DLGAP1: variants seen among roughly 807,000 people sequenced by gnomAD.
DLGAP1 encodes disks large-associated protein 1.
Under a neutral mutation model 90.8 loss-of-function variants are expected in DLGAP1, and 11 were observed. That is an observed-to-expected ratio of 0.12 (90% confidence interval 0.08 to 0.20). The LOEUF (loss-of-function observed/expected upper bound fraction) is 0.20, where lower values mean the gene tolerates loss of function less well. Ranked by LOEUF, DLGAP1 falls within the 10% of genes least tolerant of loss-of-function variation. The pLI, the probability that DLGAP1 is intolerant of heterozygous loss-of-function variation, is 1.00. For synonymous variants in DLGAP1, 558 were observed against 540.7 expected (o/e 1.03, Z -0.44); for missense variants, 1,050 against 1,333.8 (o/e 0.79, Z 3.31).
At chr18:4,428,085 A>AT (rs1391046579) in intron 1 of DLGAP1, among the ~76,000 whole-genome samples, 1 of 152,152 alleles carries the variant, frequency 6.6e-6, no homozygotes. Context: ...TGGTAACAAG[A>AT]TTTTATAGCA....
In DLGAP1 at chr18:4,454,857, G is replaced by T. The variant is rs1226573126; in HGVS notation, c.-267+149C>A. On this transcript the variant is annotated intron_variant, in intron 1 of 12. Coordinates refer to ENST00000315677, the MANE Select transcript of DLGAP1 (RefSeq NM_004746.4). The surrounding 1 kb of genome is among the most constrained non-coding windows in gnomAD (Gnocchi z 4.7). Reference sequence around the variant, plus strand: ...GAAAGGGTAAGGAGCGCGGACTCTCGAGCCAGCGGCCGGGGGAGCCCAGCC... The same window carrying T: ...GAAAGGGTAAGGAGCGCGGACTCTCTAGCCAGCGGCCGGGGGAGCCCAGCC... 2 of 151,546 alleles carry T rather than the reference G, an allele frequency of 1.3e-5. No homozygotes were observed. The highest frequency in any genetic ancestry group is 2.1e-4 in the South Asian group (1 of 4,822). 9.4% of individuals were successfully genotyped at this position (151,546 alleles called of 1,614,324 possible). A position where few individuals can be genotyped will look rare whatever the true frequency, so the allele number is the denominator to read the frequency against.
intron 7 of DLGAP1, among the ~76,000 whole-genome samples, chr18:3,592,336 T>C (rs2056293055): frequency 6.6e-6 from 1 of 152,170 alleles, no homozygotes; most frequent in Non-Finnish European, 1.5e-5. Flanking sequence ...CTCCTTGCGG[T>C]GATGTGTTAT....
chr18:4,135,490 A>T (rs2076384719), intron 2 of DLGAP1, among the ~76,000 whole-genome samples: 1 of 152,164 alleles, frequency 6.6e-6, no homozygotes, highest in Admixed American at 6.5e-5. Flanking sequence ...TAACTGCTTA[A>T]ATCTTCTAAC....
chr18:3,765,039 G>T (rs2064153982), intron 5 of DLGAP1, among the ~76,000 whole-genome samples: 1 of 150,930 alleles, frequency 6.6e-6, no homozygotes, highest in African/African-American at 2.4e-5. Context: ...TGTGTTTGTT[G>T]TATCTGTTTA....
At chr18:4,281,016 T>C (rs374447448) in intron 1 of DLGAP1, 13 of 152,346 alleles carry the variant, frequency 8.5e-5, no homozygotes, top group East Asian at 7.7e-4. Flanking sequence ...TGAGATATCC[T>C]ATGAGAAACA....
chr18:4,162,302 A>G (rs186346732), intron 1 of DLGAP1, among the ~76,000 whole-genome samples: 63 of 152,302 alleles, frequency 4.1e-4, no homozygotes, highest in African/African-American at 1.5e-3. Context: ...TGGTATCAAT[A>G]AATAGGAATG....
intron 1 of DLGAP1, among the ~76,000 whole-genome samples, chr18:4,427,124 A>G (rs949248059): frequency 6.6e-6 from 1 of 152,228 alleles, no homozygotes; most frequent in Admixed American, 6.5e-5. Flanking sequence ...TCTTGTAAAC[A>G]TAAGAACAAG....
intron 10 of DLGAP1, among the ~76,000 whole-genome samples, chr18:3,509,963 T>G (rs542729695): frequency 1.3e-5 from 2 of 152,352 alleles, no homozygotes; most frequent in South Asian, 4.1e-4. Context: ...GACAGATATT[T>G]GCCCCCTCCC....
intron 5 of DLGAP1, among the ~76,000 whole-genome samples, chr18:3,781,632 C>T (rs989656297): frequency 3.9e-5 from 6 of 152,094 alleles, no homozygotes; most frequent in Admixed American, 1.3e-4. Context: ...GGATTATAGG[C>T]GTGAGCCAGC....
intron 3 of DLGAP1, among the ~76,000 whole-genome samples, chr18:3,943,417 C>A: frequency 6.8e-6 from 1 of 146,170 alleles, no homozygotes; most frequent in East Asian, 2.1e-4. Flanking sequence ...TGATAAACTG[C>A]AAAGATGGAG....
chr18:4,333,140 C>A (rs1246564756), intron 1 of DLGAP1, among the ~76,000 whole-genome samples: 1 of 151,984 alleles, frequency 6.6e-6, no homozygotes, highest in Non-Finnish European at 1.5e-5. Context: ...ACTTAGCTCA[C>A]GATTCTGCTG....
intron 1 of DLGAP1, among the ~76,000 whole-genome samples, chr18:4,374,511 A>G (rs2081977453): frequency 1.3e-5 from 2 of 152,166 alleles, no homozygotes; most frequent in African/African-American, 4.8e-5. Context: ...ATGCAGGATT[A>G]TGGCTATACA....
intron 9 of DLGAP1, among the ~76,000 whole-genome samples, chr18:3,541,771 A>G (rs1231579619): frequency 6.6e-6 from 1 of 152,196 alleles, no homozygotes; most frequent in Non-Finnish European, 1.5e-5. Context: ...AGAGAAAACA[A>G]TGCTACCTTT....
At chr18:3,608,655 G>A (rs1249741985) in intron 7 of DLGAP1, among the ~76,000 whole-genome samples, 5 of 152,120 alleles carry the variant, frequency 3.3e-5, no homozygotes, top group Admixed American at 2.0e-4. Flanking sequence ...AGCTGGCCAC[G>A]AGGGAATGCT....
At chr18:3,663,225 C>T (rs1481591208) in intron 7 of DLGAP1, among the ~76,000 whole-genome samples, 1 of 151,740 alleles carries the variant, frequency 6.6e-6, no homozygotes, top group Admixed American at 6.6e-5. Flanking sequence ...GAGCCGAGAT[C>T]ATGCCATTGT....
At chr18:4,368,636 TACACACACAC>T (rs55840615) in intron 1 of DLGAP1, among the ~76,000 whole-genome samples, 13,759 of 134,928 alleles carry the variant, frequency 0.1, 928 homozygotes, top group East Asian at 0.22. Context: ...CTCTCTCTCA[TACACACACAC>T]ACACACACAC....
chr18:4,353,758 A>AT (rs1411083038), intron 1 of DLGAP1, among the ~76,000 whole-genome samples: 5 of 151,578 alleles, frequency 3.3e-5, no homozygotes, highest in Non-Finnish European at 7.4e-5. Context: ...TTAAATATAT[A>AT]TTTTTCCTCC....
chr18:4,322,829 C>T lies in DLGAP1; in HGVS notation c.-267+132177G>A, dbSNP rs147246450. The stretch of plus-strand genomic sequence containing the variant: ...TACAAAAATTAGCCAGGCGTTTTGG[C>T]GGGCGCCTGTAGTCCCAGTTACTCA... On this transcript the variant is annotated intron_variant, in intron 1 of 12. Coordinates refer to ENST00000315677, the MANE Select transcript of DLGAP1 (RefSeq NM_004746.4). Among the ~76,000 whole-genome samples, 1,447 of 148,464 alleles carry T rather than the reference C, an allele frequency of 9.7e-3. 27 individuals carry two copies. The highest frequency in any genetic ancestry group is 0.034 in the African/African-American group (1,384 of 40,554).
At chr18:4,214,619 T>C (rs2077913991) in intron 1 of DLGAP1, among the ~76,000 whole-genome samples, 1 of 152,186 alleles carries the variant, frequency 6.6e-6, no homozygotes, top group African/African-American at 2.4e-5. Flanking sequence ...CCTGTATATC[T>C]TTCTATCTCT....
Sources: allele counts gnomAD v4.1 joint callset (sites outside exome capture counted in the v4.1 genomes callset), GRCh38; gene constraint gnomAD v4.1.1; non-coding constraint Gnocchi (gnomAD v3.1); transcripts MANE v1.5; gene names NCBI Gene and HGNC (gene_info 2026-07-23, HGNC 2026-07-21).